Variants in UBE2L3 observed in about 807,000 individuals in gnomAD.
UBE2L3 encodes ubiquitin conjugating enzyme E2 L3.
A neutral mutation model predicts 17.8 loss-of-function variants in UBE2L3; 1 was observed. That is an observed-to-expected ratio of 0.06 (90% CI 0.02 to 0.27). The LOEUF is 0.27. Ranked by LOEUF, UBE2L3 falls within the 10% of genes least tolerant of loss-of-function variation. The pLI, the probability that UBE2L3 is intolerant of heterozygous loss-of-function variation, is 1.00. For missense variants in UBE2L3, 40 were observed against 192.6 expected (o/e 0.21, Z 4.69); for synonymous variants, 44 against 68.5 (o/e 0.64, Z 1.76).
rs145116868 is a variant in UBE2L3 at position 21,596,896 on chromosome 22, T to C, written c.123+3940T>C. ...TACGTTACAGCCATTCTAGTTGGTA[T>C]GTAGTGCTGTCTCATTGTGGTTTTG... On this transcript the variant is annotated intron_variant, in intron 2 of 3. Coordinates refer to ENST00000342192, the MANE Select transcript of UBE2L3 (RefSeq NM_003347.4). Among the ~76,000 whole-genome samples the C allele has an allele frequency of 9.7e-3, 1,476 of 152,310 alleles. 28 individuals carry two copies. The highest frequency in any genetic ancestry group is 0.034 in the African/African-American group (1,407 of 41,550).
intron 1 of UBE2L3, among the ~76,000 whole-genome samples, chr22:21,561,164 G>T (rs553790489): frequency 1.2e-3 from 185 of 152,314 alleles, no homozygotes; most frequent in Non-Finnish European, 2.4e-3. Context: ...CCAGATGACT[G>T]AGAAGCTGAG....
At chr22:21,582,143 C>CAA (rs547252520) in intron 1 of UBE2L3, among the ~76,000 whole-genome samples, 15 of 136,456 alleles carry the variant, frequency 1.1e-4, no homozygotes, top group African/African-American at 4.2e-4. Flanking sequence ...AAAAAACAAA[C>CAA]AAAAAAAAAA....
chr22:21,581,950 GA>G (rs900774032), intron 1 of UBE2L3, among the ~76,000 whole-genome samples: 8 of 139,614 alleles, frequency 5.7e-5, no homozygotes, highest in East Asian at 4.2e-4. Context: ...CATGTCTACT[GA>G]AAAAAAAAAA....
At position 21,568,341 on chromosome 22, in the gene UBE2L3, C is replaced by T. The variant is rs539033015; in HGVS notation, c.27+570C>T. 1.0e-4 allele frequency: 100 copies of T among 985,486 alleles called. No homozygotes were observed. In the South Asian group the frequency reaches 4.3e-3, roughly 42 times the overall value. The allele number at this position is 985,486 out of a possible 1,614,324, so 61.0% of individuals were successfully genotyped here. On this transcript the variant is annotated intron_variant, in intron 1 of 3. Transcript: ENST00000342192. ...CGTTTGGAATTGCGCTGGGTCCTAG[C>T]AAACTGTCGCCTTGTGACTGCAGAG... is the stretch of plus-strand genomic sequence containing the variant.
At chr22:21,608,528 A>G (rs574335026) in intron 2 of UBE2L3, among the ~76,000 whole-genome samples, 7 of 152,050 alleles carry the variant, frequency 4.6e-5, no homozygotes, top group Non-Finnish European at 1.0e-4. Context: ...GGTTTAAGCA[A>G]TTCTCCTACC....
chr22:21,586,881 T>C (rs1927969718), intron 1 of UBE2L3, among the ~76,000 whole-genome samples: 1 of 145,416 alleles, frequency 6.9e-6, no homozygotes, highest in South Asian at 2.2e-4. Context: ...CGGCCTTTTT[T>C]TTTTTTTTTT....
chr22:21,604,078 T>C (rs1186086732), intron 2 of UBE2L3, among the ~76,000 whole-genome samples: 3 of 152,016 alleles, frequency 2.0e-5, no homozygotes, highest in South Asian at 4.2e-4. Flanking sequence ...TTAGAGTGTG[T>C]AAAATTATCA....
At chr22:21,566,233 A>G (rs1260540448), upstream of UBE2L3, among the ~76,000 whole-genome samples, 1 of 149,646 alleles carries the variant, frequency 6.7e-6, no homozygotes, top group Non-Finnish European at 1.5e-5. Flanking sequence ...TCAGCCTCCC[A>G]AAGTGCTGGG....
intron 1 of UBE2L3, among the ~76,000 whole-genome samples, chr22:21,569,249 A>G (rs1926824299): frequency 6.6e-6 from 1 of 152,058 alleles, no homozygotes; most frequent in South Asian, 2.1e-4. Context: ...TATAAAAATT[A>G]GCTGGGCGTG....
At chr22:21,605,504 T>G (rs766622157) in intron 2 of UBE2L3, among the ~76,000 whole-genome samples, 2 of 152,074 alleles carry the variant, frequency 1.3e-5, no homozygotes, top group African/African-American at 2.4e-5. Flanking sequence ...TTCTTTTTTT[T>G]CTTTTTCTTT....
At chr22:21,608,489 C>A (rs1252843955) in intron 2 of UBE2L3, among the ~76,000 whole-genome samples, 1 of 151,992 alleles carries the variant, frequency 6.6e-6, no homozygotes. Context: ...AGTGGCGCAA[C>A]CTCAGTTCAC....
intron 2 of UBE2L3, among the ~76,000 whole-genome samples, chr22:21,598,210 T>TGTGTGTGTGTGTGTGTGTGTGTGTGTG (rs1555885647): frequency 1.3e-4 from 19 of 151,974 alleles, no homozygotes; most frequent in South Asian, 2.1e-4. Context: ...TGTGTGTGTG[T>TGTGTGTGTGTGTGTGTGTGTGTGTGTG]TTTTCATTTA....
chr22:21,592,837 C>T, intron 1 of UBE2L3, 24 bp from the exon 2 acceptor site: 2 of 1,580,248 alleles, frequency 1.3e-6, no homozygotes, highest in Non-Finnish European at 1.7e-6. Flanking sequence ...ATTTGACACC[C>T]CTTTATGCTT....
intron 1 of UBE2L3, among the ~76,000 whole-genome samples, chr22:21,569,142 C>G (rs909771782): frequency 6.6e-6 from 1 of 152,064 alleles, no homozygotes; most frequent in Admixed American, 6.6e-5. Context: ...CGCCTGTAAT[C>G]CCAGCACTCC....
intron 1 of UBE2L3, among the ~76,000 whole-genome samples, chr22:21,586,570 C>CA (rs796555947): frequency 2.2e-5 from 3 of 138,184 alleles, no homozygotes; most frequent in Admixed American, 1.5e-4. Flanking sequence ...TGCACCCAGC[C>CA]TTTTTTTTTT....
chr22:21,582,362 T>G (rs141038677), intron 1 of UBE2L3, among the ~76,000 whole-genome samples: 4,598 of 150,534 alleles, frequency 0.031, 102 homozygotes, highest in African/African-American at 0.056. Flanking sequence ...TGTTGTTGTT[T>G]TTTTTTTTTG....
chr22:21,586,056 C>T (rs1337251127), intron 1 of UBE2L3, among the ~76,000 whole-genome samples: 2 of 152,104 alleles, frequency 1.3e-5, no homozygotes, highest in African/African-American at 4.8e-5. Flanking sequence ...CCAAGTCAGC[C>T]TCCTGAGTAG....
At chr22:21,569,856 C>G (rs1926861128) in intron 1 of UBE2L3, among the ~76,000 whole-genome samples, 1 of 152,212 alleles carries the variant, frequency 6.6e-6, no homozygotes, top group South Asian at 2.1e-4. Context: ...GGTTACCTAG[C>G]TAGGGAGAGT....
intron 1 of UBE2L3, among the ~76,000 whole-genome samples, chr22:21,580,084 T>C (rs1338865430): frequency 6.6e-6 from 1 of 152,194 alleles, no homozygotes; most frequent in East Asian, 1.9e-4. Flanking sequence ...GTCAATACTA[T>C]TCCAGAGCAA....
Sources: gnomAD v4.1 joint callset for allele counts (sites outside exome capture counted in the v4.1 genomes callset) on GRCh38, gnomAD v4.1.1 for gene constraint, MANE v1.5 for transcripts, NCBI Gene and HGNC (gene_info 2026-07-23, HGNC 2026-07-21) for gene names.